Variants in AGPS observed in about 807,000 individuals in gnomAD.
AGPS encodes the protein alkylglycerone phosphate synthase, also known as alkyldihydroxyacetonephosphate synthase, peroxisomal.
AGPS carries 26 observed loss-of-function variants against 90.7 expected under a neutral mutation model. That is an observed-to-expected ratio of 0.29 (90% CI 0.21 to 0.40). The LOEUF is 0.40. AGPS is among the 10% of genes least tolerant of loss of function. The pLI, the probability that AGPS is intolerant of heterozygous loss-of-function variation, is 1.00. For missense variants in AGPS, 540 were observed against 816.1 expected (o/e 0.66, Z 4.12); for synonymous variants, 294 against 285.3 (o/e 1.03, Z -0.31).
At chr2:177,402,438 A>G (rs1330799167) in intron 1 of AGPS, among the ~76,000 whole-genome samples, 2 of 152,172 alleles carry the variant, frequency 1.3e-5, no homozygotes, top group South Asian at 2.1e-4. Context: ...TAGCTCTTCT[A>G]CTGTTCTAGG....
intron 8 of AGPS, among the ~76,000 whole-genome samples, chr2:177,451,054 T>C (rs1686934131): frequency 8.3e-6 from 1 of 120,470 alleles, no homozygotes; most frequent in African/African-American, 2.9e-5. Context: ...CTTAAACTCC[T>C]GGGCTTAAAT....
At chr2:177,465,603 G>T (rs191650222) in intron 9 of AGPS, among the ~76,000 whole-genome samples, 2 of 152,232 alleles carry the variant, frequency 1.3e-5, no homozygotes, top group Admixed American at 1.3e-4. Flanking sequence ...AGTCAGGCAC[G>T]CCAGCTGTGG....
At chr2:177,478,752 A>G (rs956451832) in intron 10 of AGPS, among the ~76,000 whole-genome samples, 5 of 152,004 alleles carry the variant, frequency 3.3e-5, no homozygotes, top group African/African-American at 1.2e-4. Flanking sequence ...AATAATCCAG[A>G]ATAATCCAAT....
At chr2:177,430,912 G>C (rs1458551397) in intron 2 of AGPS, among the ~76,000 whole-genome samples, 2 of 152,082 alleles carry the variant, frequency 1.3e-5, no homozygotes, top group Non-Finnish European at 2.9e-5. Flanking sequence ...GTATATAAAT[G>C]AAAAATTTGA....
chr2:177,396,942 C>CTTTTTTTTTTTTTTTTT (rs757187515), intron 1 of AGPS, among the ~76,000 whole-genome samples: 1 of 140,554 alleles, frequency 7.1e-6, no homozygotes, highest in Non-Finnish European at 1.6e-5. Flanking sequence ...TTTTTCTTTT[C>CTTTTTTTTTTTTTTTTT]TTTTTTTTTT....
At chr2:177,469,585 CTA>C (rs1687551885) in intron 10 of AGPS, among the ~76,000 whole-genome samples, 1 of 152,006 alleles carries the variant, frequency 6.6e-6, no homozygotes. Context: ...AAAAACAAAA[CTA>C]TATTTGTAAT....
chr2:177,436,712 C>A, intron 3 of AGPS, 52 bp from the exon 4 acceptor site: 2 of 1,576,908 alleles, frequency 1.3e-6, no homozygotes, highest in South Asian at 1.1e-5. Flanking sequence ...AACTGAAGTA[C>A]CCAAAATTCG....
chr2:177,403,976 A>G (rs1231390914), intron 1 of AGPS, among the ~76,000 whole-genome samples: 1 of 152,236 alleles, frequency 6.6e-6, no homozygotes, highest in African/African-American at 2.4e-5. Flanking sequence ...AAGGGCCTTA[A>G]TGAGTCAAAG....
intron 5 of AGPS, among the ~76,000 whole-genome samples, chr2:177,438,224 G>A (rs139070892): frequency 6.6e-6 from 1 of 152,212 alleles, no homozygotes; most frequent in Non-Finnish European, 1.5e-5. Context: ...ACTTCCAAGT[G>A]TACCTTCTAG....
At chr2:177,452,416 C>T (rs1039744684) in intron 8 of AGPS, among the ~76,000 whole-genome samples, 38 of 152,200 alleles carry the variant, frequency 2.5e-4, no homozygotes, top group African/African-American at 8.7e-4. Context: ...ACCCTTTTGT[C>T]GTTATGAAAT....
At chr2:177,461,404 G>GA (rs2105665454) in intron 8 of AGPS, among the ~76,000 whole-genome samples, 1 of 152,346 alleles carries the variant, frequency 6.6e-6, no homozygotes, top group South Asian at 2.1e-4. Flanking sequence ...CTCCTTGAGA[G>GA]AATTAAGTAC....
At chr2:177,462,390 C>G (rs1328800313) in intron 9 of AGPS, among the ~76,000 whole-genome samples, 1 of 51,708 alleles carries the variant, frequency 1.9e-5, no homozygotes, top group African/African-American at 5.5e-5. Flanking sequence ...GAGATTCTGT[C>G]TCAAAAAAAA....
At chr2:177,419,997 C>G (rs962547283) in intron 1 of AGPS, among the ~76,000 whole-genome samples, 2 of 151,776 alleles carry the variant, frequency 1.3e-5, no homozygotes, top group African/African-American at 4.8e-5. Context: ...AGCATATCTT[C>G]TTCCTTTTTG....
chr2:177,470,358 T>G (rs1395622030), intron 10 of AGPS, among the ~76,000 whole-genome samples: 1 of 152,152 alleles, frequency 6.6e-6, no homozygotes, highest in Non-Finnish European at 1.5e-5. Context: ...AGTCACTAAC[T>G]GTATGAATTT....
intron 1 of AGPS, chr2:177,393,318 C>G: frequency 1.0e-6 from 1 of 985,382 alleles, no homozygotes; most frequent in Non-Finnish European, 1.2e-6. Context: ...TAAAGGATTC[C>G]TTTTTCCTGA....
intron 2 of AGPS, among the ~76,000 whole-genome samples, chr2:177,433,984 T>G (rs1460766422): frequency 1.3e-5 from 2 of 152,244 alleles, no homozygotes; most frequent in Non-Finnish European, 2.9e-5. Flanking sequence ...CTGTAAATTT[T>G]CAGCATTTTT....
At chr2:177,454,996 CT>C (rs57427782) in intron 8 of AGPS, among the ~76,000 whole-genome samples, 15,621 of 146,794 alleles carry the variant, frequency 0.11, 1,148 homozygotes, top group East Asian at 0.35. Flanking sequence ...ATGCATAGAC[CT>C]TTTTTTTTTT....
intron 16 of AGPS, among the ~76,000 whole-genome samples, chr2:177,510,937 T>C (rs1362320879): frequency 6.6e-6 from 1 of 152,190 alleles, no homozygotes; most frequent in African/African-American, 2.4e-5. Context: ...TATTCCTAAG[T>C]GTCCCATCCT....
At chr2:177,460,908 T>C (rs1187523708) in intron 8 of AGPS, among the ~76,000 whole-genome samples, 1 of 152,226 alleles carries the variant, frequency 6.6e-6, no homozygotes, top group Admixed American at 6.5e-5. Flanking sequence ...AGATAGAGAA[T>C]TTGTATTGCT....
Sources: gnomAD v4.1 joint callset for allele counts (sites outside exome capture counted in the v4.1 genomes callset) on GRCh38, gnomAD v4.1.1 for gene constraint, MANE v1.5 for transcripts, NCBI Gene and HGNC (gene_info 2026-07-23, HGNC 2026-07-21) for gene names.